Variants in SYT1 observed in about 807,000 individuals in gnomAD.
SYT1 encodes the protein synaptotagmin-1.
In SYT1, 8 loss-of-function variants were observed where a neutral mutation model predicts 44.8. The observed-to-expected ratio is 0.18, with a 90% CI of 0.10 to 0.32. The LOEUF is 0.32. Ranked by LOEUF, SYT1 falls within the 10% of genes least tolerant of loss-of-function variation. SYT1 has a pLI of 1.00. For synonymous variants in SYT1, 154 were observed against 188.8 expected, an observed-to-expected ratio of 0.82 and a Z score of 1.51; for missense variants, 286 against 509.3, an observed-to-expected ratio of 0.56 and a Z score of 4.22.
At chr12:79,083,153 T>C (rs2137960927) in intron 3 of SYT1, among the ~76,000 whole-genome samples, 1 of 152,262 alleles carries the variant, frequency 6.6e-6, no homozygotes, top group East Asian at 1.9e-4. Flanking sequence ...GAAAAAATTA[T>C]AATGTCAATA....
chr12:79,186,464 T>G (rs1010048458), intron 3 of SYT1, among the ~76,000 whole-genome samples: 3 of 152,056 alleles, frequency 2.0e-5, no homozygotes, highest in African/African-American at 4.8e-5. Context: ...TTGTGTGTGT[T>G]TTTTATATTC....
chr12:78,916,315 G>T (rs886745425), intron 1 of SYT1, among the ~76,000 whole-genome samples: 1 of 151,834 alleles, frequency 6.6e-6, no homozygotes, highest in Non-Finnish European at 1.5e-5. Flanking sequence ...TAAAATCATG[G>T]CATAAAACAA....
intron 3 of SYT1, among the ~76,000 whole-genome samples, chr12:79,132,376 G>A (rs184369901): frequency 5.1e-4 from 76 of 150,284 alleles, no homozygotes; most frequent in African/African-American, 1.8e-3. Flanking sequence ...TTGAACCTGC[G>A]AAATGGAGGT....
At chr12:79,039,669 T>A (rs913850135) in intron 2 of SYT1, among the ~76,000 whole-genome samples, 2 of 151,314 alleles carry the variant, frequency 1.3e-5, no homozygotes, top group African/African-American at 2.4e-5. Flanking sequence ...ATGTGCACAT[T>A]GTGCAGGTTA....
intron 3 of SYT1, among the ~76,000 whole-genome samples, chr12:79,150,297 C>T (rs1870190782): frequency 6.6e-6 from 1 of 152,028 alleles, no homozygotes; most frequent in Non-Finnish European, 1.5e-5. Context: ...CTGTCATTTG[C>T]AACAACATGA....
chr12:78,991,209 T>A (rs2137484293), intron 2 of SYT1, among the ~76,000 whole-genome samples: 1 of 152,198 alleles, frequency 6.6e-6, no homozygotes, highest in South Asian at 2.1e-4. Flanking sequence ...TTTGAGGGAA[T>A]ATATAACATT....
chr12:79,077,094 C>G (rs902502747), intron 3 of SYT1, among the ~76,000 whole-genome samples: 7 of 152,138 alleles, frequency 4.6e-5, no homozygotes, highest in African/African-American at 1.7e-4. Context: ...CCAGCTGTTG[C>G]ATTAACCACC....
In SYT1 at chr12:79,161,505, T is replaced by C. The variant is rs1039179839; in HGVS notation, c.-17-55998T>C. On this transcript the variant is annotated intron_variant, in intron 3 of 10. Transcript: ENST00000261205. The stretch of plus-strand genomic sequence containing the variant: ...TAACAATGCATTTTTCAGACTGTAT[T>C]CCATCGTTGTTAAGTGATGCATGCC... Among the ~76,000 whole-genome samples, 15 of 152,242 alleles carry C rather than the reference T, an allele frequency of 9.9e-5. No homozygotes were observed. In the East Asian group the frequency reaches 2.5e-3, roughly 26 times the overall value.
intron 1 of SYT1, among the ~76,000 whole-genome samples, chr12:78,942,960 A>T (rs1403526263): frequency 6.6e-6 from 1 of 152,186 alleles, no homozygotes; most frequent in Non-Finnish European, 1.5e-5. Context: ...TGTTCTATGA[A>T]ATCATCAGTA....
At chr12:78,944,596 A>G (rs1035935312) in intron 1 of SYT1, among the ~76,000 whole-genome samples, 12 of 152,162 alleles carry the variant, frequency 7.9e-5, no homozygotes, top group African/African-American at 2.7e-4. Flanking sequence ...ATTTACTTCA[A>G]TAAATAAAGT....
At chr12:79,313,940 C>T (rs1016607952) in intron 8 of SYT1, among the ~76,000 whole-genome samples, 16 of 148,816 alleles carry the variant, frequency 1.1e-4, no homozygotes, top group Middle Eastern at 3.4e-3. Flanking sequence ...GAGGCCGAGG[C>T]GGGCGGATCA....
intron 3 of SYT1, among the ~76,000 whole-genome samples, chr12:79,166,596 G>T (rs1474925128): frequency 6.6e-6 from 1 of 151,914 alleles, no homozygotes; most frequent in Non-Finnish European, 1.5e-5. Context: ...CCCAAGTAAT[G>T]GTTCAATAGC....
intron 9 of SYT1, among the ~76,000 whole-genome samples, chr12:79,417,064 A>T (rs367790808): frequency 6.6e-6 from 1 of 152,304 alleles, no homozygotes; most frequent in African/African-American, 2.4e-5. Context: ...ATCAATTGTC[A>T]GTTATCAAAA....
intron 1 of SYT1, among the ~76,000 whole-genome samples, chr12:78,873,496 G>A (rs1455862587): frequency 1.3e-5 from 2 of 151,648 alleles, no homozygotes; most frequent in Non-Finnish European, 3.0e-5. Flanking sequence ...TGAGTCACTA[G>A]GCTAAGTTGG....
At chr12:78,973,939 ATATATATATATATATAT>A (rs1454345920) in intron 1 of SYT1, among the ~76,000 whole-genome samples, 19 of 11,402 alleles carry the variant, frequency 1.7e-3, no homozygotes, top group South Asian at 7.1e-3. Context: ...AAAAAAAAAA[ATATATATATATATATAT>A]ATATATATAT....
At chr12:79,401,840 TTTCATTTTTGTA>T (rs1220605898) in intron 9 of SYT1, among the ~76,000 whole-genome samples, 1 of 151,792 alleles carries the variant, frequency 6.6e-6, no homozygotes, top group Non-Finnish European at 1.5e-5. Flanking sequence ...CGGCTAATTA[TTTCATTTTTGTA>T]AAGTCATGGT....
intron 1 of SYT1, among the ~76,000 whole-genome samples, chr12:78,910,673 A>G (rs1876265451): frequency 6.6e-6 from 1 of 152,022 alleles, no homozygotes; most frequent in Non-Finnish European, 1.5e-5. Context: ...GAGTAATTAG[A>G]TAATTATTGC....
At chr12:79,003,841 T>C (rs1046463056) in intron 2 of SYT1, among the ~76,000 whole-genome samples, 1 of 151,984 alleles carries the variant, frequency 6.6e-6, no homozygotes, top group Non-Finnish European at 1.5e-5. Context: ...TTTTTTTCCA[T>C]CTGGCAGGTT....
At chr12:78,938,351 G>A (rs759585961) in intron 1 of SYT1, among the ~76,000 whole-genome samples, 1 of 152,090 alleles carries the variant, frequency 6.6e-6, no homozygotes, top group Non-Finnish European at 1.5e-5. Context: ...AGTTTAATAG[G>A]ATAAAGCTAG....
Sources: gnomAD v4.1 joint callset for allele counts (sites outside exome capture counted in the v4.1 genomes callset) on GRCh38, gnomAD v4.1.1 for gene constraint, MANE v1.5 for transcripts, NCBI Gene and HGNC (gene_info 2026-07-23, HGNC 2026-07-21) for gene names.